PTTG1: variants seen among roughly 807,000 people sequenced by gnomAD.
PTTG1 encodes the protein PTTG1 regulator of sister chromatid separation, securin.
Under a neutral mutation model 20.0 loss-of-function variants are expected in PTTG1, and 8 were observed. The observed-to-expected ratio is 0.40, with a 90% CI of 0.23 to 0.72. The LOEUF (loss-of-function observed/expected upper bound fraction) is 0.72. PTTG1 is among the 30% of genes least tolerant of loss of function. The pLI is 0.38. For synonymous variants in PTTG1, 79 were observed against 87.2 expected (o/e 0.91, Z 0.52); for missense variants, 197 against 236.0 (o/e 0.83, Z 1.08).
intron 3 of PTTG1, 41 bp downstream of exon 3, chr5:160,422,934 A>G: frequency 6.3e-7 from 1 of 1,587,080 alleles, no homozygotes; most frequent in Non-Finnish European, 8.6e-7. Context: ...ACACTTAAGC[A>G]CTTTTGACTC....
chr5:160,425,695 C>T (rs1278215111), intron 4 of PTTG1, among the ~76,000 whole-genome samples: 1 of 152,162 alleles, frequency 6.6e-6, no homozygotes, highest in Non-Finnish European at 1.5e-5. Flanking sequence ...ATAAAATTAG[C>T]TCCCCTTATA....
At chr5:160,424,657 A>G (rs1765776346) in intron 4 of PTTG1, 2 of 188,786 alleles carry the variant, frequency 1.1e-5, no homozygotes, top group East Asian at 2.7e-4. Flanking sequence ...AGTGAGCTTT[A>G]TGTCAAGTTG....
chr5:160,422,845 G>A lies in PTTG1; in HGVS notation c.228G>A (p.Lys76=), dbSNP rs758654947. The A allele has an allele frequency of 6.2e-7, 1 of 1,614,134 alleles. No individual in the cohort carries two copies. The highest frequency in any genetic ancestry group is 2.2e-5 in the East Asian group (1 of 44,880). The part of the protein sequence containing the change: ...TVNRATEKSV[K]TKGPLKQKQP... Reference sequence around the variant, plus strand: ...ACAGAGCTACAGAAAAGTCTGTAAAGACCAAGGGACCCCTCAAACAAAAAC... The same window carrying A: ...ACAGAGCTACAGAAAAGTCTGTAAAAACCAAGGGACCCCTCAAACAAAAAC... Residue 76 remains lysine, a synonymous_variant, in exon 3 of 6, where the codon AAG becomes AAA. Transcript: ENST00000352433.
intron 3 of PTTG1, among the ~76,000 whole-genome samples, chr5:160,423,230 T>TAC (rs932630176): frequency 2.0e-5 from 3 of 152,202 alleles, no homozygotes; most frequent in Admixed American, 6.5e-5. Context: ...GGTATCCACT[T>TAC]ACAGATACAT....
At position 160,425,620 on chromosome 5, in the gene PTTG1, T is replaced by TA. The variant is rs1765790774; in HGVS notation, c.370+1291dup. On this transcript the variant is annotated intron_variant, in intron 4 of 5. Coordinates refer to ENST00000352433, the MANE Select transcript of PTTG1 (RefSeq NM_004219.4). ...TGAACATATTTGATTATTGGCCACTTACAGTTTTTCTTTTTTTATTAACTT... is the reference window on the plus strand; with the variant it reads ...TGAACATATTTGATTATTGGCCACTTAACAGTTTTTCTTTTTTTATTAACTT... Among the ~76,000 whole-genome samples, 3 of 152,338 alleles carry TA rather than the reference T, an allele frequency of 2.0e-5. No homozygotes were observed. In the South Asian group the frequency reaches 6.2e-4, roughly 32 times the overall value.
chr5:160,427,669 C>G (rs1765833513), intron 4 of PTTG1, 46 bp from the exon 5 acceptor site: 1 of 1,593,464 alleles, frequency 6.3e-7, no homozygotes, highest in Admixed American at 1.7e-5. Flanking sequence ...CTACAGCCCA[C>G]ACTAAGAACT....
intron 5 of PTTG1, 80 bp downstream of exon 5, chr5:160,427,953 C>CG: frequency 5.2e-6 from 8 of 1,537,650 alleles, no homozygotes; most frequent in Non-Finnish European, 7.1e-6. Flanking sequence ...AAGAGTTGTG[C>CG]GGGAGGTGAG....
Position 160,422,306 on chromosome 5 carries a change from A to T in PTTG1, c.-7A>T. On this transcript the variant is annotated 5_prime_UTR_variant, in exon 2 of 6. Coordinates refer to ENST00000352433, the MANE Select transcript of PTTG1 (RefSeq NM_004219.4). ...ATATGTATTTCTCATTCTTAGAATA[A>T]TCCAGAATGGCTACTCTGATCTATG... 3.1e-6 allele frequency: 5 copies of T among 1,609,984 alleles called. No individual in the cohort carries two copies. The highest frequency in any genetic ancestry group is 1.7e-4 in the Middle Eastern group (1 of 6,048).
At position 160,427,854 on chromosome 5, in the gene PTTG1, C is replaced by T. The variant is rs2113215976; in HGVS notation, c.510C>T (p.Pro170=). ...GCCCCCCTTCACCTGTGAAGATGCCCTCTCCACCATGGGAATCCAGTAAGT... is the reference window on the plus strand; with the variant it reads ...GCCCCCCTTCACCTGTGAAGATGCCTTCTCCACCATGGGAATCCAGTAAGT... ...QLGPPSPVKM[P]SPPWESNLLQ... is the part of the protein sequence containing the mutation. The change falls in exon 5 of 6, where the codon CCC becomes CCT. Residue 170 remains proline (P), a synonymous_variant. Coordinates refer to ENST00000352433, the MANE Select transcript of PTTG1 (RefSeq NM_004219.4). The T allele has an allele frequency of 6.2e-7, 1 of 1,614,194 alleles. No homozygotes were observed. The highest frequency in any genetic ancestry group is 1.1e-5 in the South Asian group (1 of 91,084).
chr5:160,427,888 G>T lies in PTTG1; in HGVS notation c.529+15G>T, dbSNP rs1561573292. The T allele has an allele frequency of 6.2e-7, 1 of 1,614,088 alleles. No individual in the cohort carries two copies. Among genetic ancestry groups the T allele is most frequent in the Non-Finnish European group, 8.5e-7 (1 of 1,179,976 alleles). Reference sequence around the variant, plus strand: ...ATGGGAATCCAGTAAGTGAGCAAGTGCCCTTCTGGAAGGGCTGCAAACAAT... The same window carrying T: ...ATGGGAATCCAGTAAGTGAGCAAGTTCCCTTCTGGAAGGGCTGCAAACAAT... On this transcript the variant is annotated intron_variant, in intron 5 of 5. Coordinates refer to ENST00000352433, the MANE Select transcript of PTTG1 (RefSeq NM_004219.4).
At chr5:160,427,900 G>A (rs776898181) in intron 5 of PTTG1, 27 bp downstream of exon 5, 5 of 1,613,892 alleles carry the variant, frequency 3.1e-6, no homozygotes, top group South Asian at 1.1e-5. Context: ...CCTTCTGGAA[G>A]GGCTGCAAAC....
intron 3 of PTTG1, among the ~76,000 whole-genome samples, 190 bp from the exon 4 acceptor site, chr5:160,424,047 A>C (rs4921281): frequency 0.13 from 19,311 of 152,230 alleles, 1,307 homozygotes; most frequent in Middle Eastern, 0.17. Flanking sequence ...CTTAAATTTC[A>C]GATTTTAACT....
At chr5:160,425,831 G>T (rs904077060) in intron 4 of PTTG1, among the ~76,000 whole-genome samples, 2 of 152,142 alleles carry the variant, frequency 1.3e-5, no homozygotes, top group Non-Finnish European at 2.9e-5. Context: ...GCTTGTAAAA[G>T]AGCAGACTAA....
At chr5:160,422,679 A>G in intron 2 of PTTG1, 30 bp from the exon 3 acceptor site, 1 of 1,611,054 alleles carries the variant, frequency 6.2e-7, no homozygotes, top group Non-Finnish European at 8.5e-7. Flanking sequence ...TTGCTGCTGG[A>G]ATATTCTTAT....
intron 4 of PTTG1, among the ~76,000 whole-genome samples, chr5:160,426,917 C>G (rs1765818948): frequency 6.6e-6 from 1 of 152,078 alleles, no homozygotes; most frequent in African/African-American, 2.4e-5. Flanking sequence ...GTGGGCGCAC[C>G]TGTAATCCCA....
chr5:160,423,024 G>T, intron 3 of PTTG1, 131 bp downstream of exon 3: 1 of 905,760 alleles, frequency 1.1e-6, no homozygotes, highest in Non-Finnish European at 1.7e-6. Context: ...AAGCAGAGTA[G>T]TGGAGGAGAC....
chr5:160,428,277 A>T (rs1156518775), intron 5 of PTTG1, among the ~76,000 whole-genome samples: 2 of 152,204 alleles, frequency 1.3e-5, no homozygotes, highest in African/African-American at 4.8e-5. Context: ...TCTTCGTTTG[A>T]ACTGGTAGTC....
Position 160,427,697 on chromosome 5 carries a change from G to A in PTTG1, c.371-18G>A, listed in dbSNP as rs772167069. ...TAAGAACTGCTGCCCTGACAAAAACGCTTTCTCTCTGTAACAGACTTTGAG... is the reference window on the plus strand; with the variant it reads ...TAAGAACTGCTGCCCTGACAAAAACACTTTCTCTCTGTAACAGACTTTGAG... On this transcript the variant is annotated intron_variant, in intron 4 of 5. Coordinates refer to ENST00000352433, the MANE Select transcript of PTTG1 (RefSeq NM_004219.4). 4.3e-6 allele frequency: 7 copies of A among 1,611,542 alleles called. No homozygotes were observed. Among genetic ancestry groups the A allele is most frequent in the South Asian group, 3.3e-5 (3 of 90,842 alleles).
intron 4 of PTTG1, 83 bp downstream of exon 4, chr5:160,424,413 A>T: frequency 1.0e-6 from 1 of 976,054 alleles, no homozygotes; most frequent in Non-Finnish European, 1.6e-6. Context: ...TTATGAATAT[A>T]ATATATGACC....
Sources: gnomAD v4.1 joint callset for allele counts (sites outside exome capture counted in the v4.1 genomes callset) on GRCh38, gnomAD v4.1.1 for gene constraint, MANE v1.5 for transcripts, NCBI Gene and HGNC (gene_info 2026-07-23, HGNC 2026-07-21) for gene names.